Variants in YWHAE observed in about 807,000 individuals in gnomAD.
The protein encoded by YWHAE is tyrosine 3-monooxygenase/tryptophan 5-monooxygenase activation protein epsilon.
A neutral mutation model predicts 30.1 loss-of-function variants in YWHAE; 4 were observed. That is an observed-to-expected ratio of 0.13 (90% CI 0.07 to 0.30). YWHAE has a LOEUF of 0.30. YWHAE is among the 10% of genes least tolerant of loss of function. The probability of loss-of-function intolerance (pLI) is 1.00; values close to 1 mark genes in which losing one functional copy is unlikely to be tolerated. For synonymous variants in YWHAE, 118 were observed against 111.8 expected (o/e 1.06, Z -0.35); for missense variants, 121 against 315.9 (o/e 0.38, Z 4.68).
chr17:1,376,337 AAGACAGACAGAAAGACAAGAAAGAC>A (rs1411868895), intron 1 of YWHAE, among the ~76,000 whole-genome samples: 1 of 152,138 alleles, frequency 6.6e-6, no homozygotes, highest in Non-Finnish European at 1.5e-5. Flanking sequence ...CGAAGACAGA[AAGACAGACAGAAAGACAAGAAAGAC>A]AGACAGACAG....
chr17:1,351,586 G>A (rs2072634230), intron 5 of YWHAE, among the ~76,000 whole-genome samples: 1 of 152,030 alleles, frequency 6.6e-6, no homozygotes, highest in Non-Finnish European at 1.5e-5. Flanking sequence ...TGACCATTAC[G>A]AGTCCACAGC....
intron 4 of YWHAE, among the ~76,000 whole-genome samples, chr17:1,356,255 G>C (rs1015473210): frequency 6.6e-6 from 1 of 151,536 alleles, no homozygotes; most frequent in African/African-American, 2.4e-5. Flanking sequence ...TGTAATCCCA[G>C]CTACTCAGGA....
chr17:1,362,218 A>G lies in YWHAE; in HGVS notation c.265-210T>C, dbSNP rs7219417. On this transcript the variant is annotated intron_variant, in intron 2 of 5. Coordinates refer to ENST00000264335, the MANE Select transcript of YWHAE (RefSeq NM_006761.5). ...ATCTTTTCCCTTCTGCATGCTGCCT[A>G]TTGTTACACACACACATGCAGGCAC... 0.02 allele frequency among the ~76,000 whole-genome samples: 3,057 copies of G among 152,078 alleles called. 104 individuals carry two copies. The highest frequency in any genetic ancestry group is 0.07 in the African/African-American group (2,885 of 41,472).
intron 2 of YWHAE, among the ~76,000 whole-genome samples, chr17:1,363,414 C>T (rs189578083): frequency 6.6e-6 from 1 of 152,124 alleles, no homozygotes; most frequent in African/African-American, 2.4e-5. Context: ...TACAGGTGCC[C>T]GCCACCATGC....
chr17:1,397,140 C>T (rs2073485807), intron 1 of YWHAE, among the ~76,000 whole-genome samples: 1 of 152,168 alleles, frequency 6.6e-6, no homozygotes, highest in Admixed American at 6.6e-5. Context: ...CTCAGGTGAT[C>T]CACCCGCCTC....
chr17:1,353,059 G>A (rs1598226193), intron 5 of YWHAE, among the ~76,000 whole-genome samples: 1 of 152,260 alleles, frequency 6.6e-6, no homozygotes, highest in Non-Finnish European at 1.5e-5. Context: ...TTGGGCTCCT[G>A]TATTTAAAGT....
At chr17:1,379,631 A>G (rs2073175040) in intron 1 of YWHAE, among the ~76,000 whole-genome samples, 1 of 152,206 alleles carries the variant, frequency 6.6e-6, no homozygotes, top group South Asian at 2.1e-4. Context: ...CTTAAATCAT[A>G]TTTTCTTAGA....
intron 1 of YWHAE, among the ~76,000 whole-genome samples, chr17:1,368,939 ATCATTCC>A (rs1286111458): frequency 6.6e-6 from 1 of 152,230 alleles, no homozygotes; most frequent in South Asian, 2.1e-4. Flanking sequence ...TATCTCGAAT[ATCATTCC>A]TTATGATTTA....
chr17:1,379,058 T>G (rs75213844), intron 1 of YWHAE, among the ~76,000 whole-genome samples: 1,523 of 152,268 alleles, frequency 0.01, 23 homozygotes, highest in African/African-American at 0.034. Flanking sequence ...TCTGCCCAAA[T>G]TTGGCAATTT....
At chr17:1,396,912 G>A (rs1490103843) in intron 1 of YWHAE, among the ~76,000 whole-genome samples, 7 of 141,882 alleles carry the variant, frequency 4.9e-5, no homozygotes, top group Admixed American at 2.8e-4. Context: ...ATGAGCCACC[G>A]CACCTGGCCT....
rs768382736 is a variant in YWHAE at position 1,355,110 on chromosome 17, ATT to A, written c.579-765_579-764del. On this transcript the variant is annotated intron_variant, in intron 4 of 5. Coordinates refer to ENST00000264335, the MANE Select transcript of YWHAE (RefSeq NM_006761.5). ...AACGGTACACACTACCACCCCCAAG[ATT>A]TTTTAAAAAAAAAAAAAAAAAAAAA... 3.2e-4 allele frequency among the ~76,000 whole-genome samples: 5 copies of A among 15,388 alleles called. No individual in the cohort carries two copies. In the East Asian group the frequency reaches 3.6e-3, roughly 11 times the overall value. 10.1% of individuals were successfully genotyped at this position (15,388 alleles called of 152,430 possible).
chr17:1,397,308 G>A (rs958668657), intron 1 of YWHAE, among the ~76,000 whole-genome samples: 1 of 152,158 alleles, frequency 6.6e-6, no homozygotes, highest in South Asian at 2.1e-4. Flanking sequence ...AGGTAAAAAC[G>A]ATTCGAATAG....
intron 1 of YWHAE, among the ~76,000 whole-genome samples, chr17:1,377,426 G>A (rs2073142568): frequency 6.6e-6 from 1 of 152,138 alleles, no homozygotes; most frequent in African/African-American, 2.4e-5. Flanking sequence ...GAAGAAAAGG[G>A]CACAGCATCA....
chr17:1,388,558 G>A (rs2073342799), intron 1 of YWHAE, among the ~76,000 whole-genome samples: 1 of 140,028 alleles, frequency 7.1e-6, no homozygotes, highest in Admixed American at 7.7e-5. Context: ...ACAGGCATGA[G>A]CAAACCATGC....
At chr17:1,367,389 G>T (rs1304399849) in intron 1 of YWHAE, among the ~76,000 whole-genome samples, 1 of 152,160 alleles carries the variant, frequency 6.6e-6, no homozygotes, top group Non-Finnish European at 1.5e-5. Flanking sequence ...GATTACTTGA[G>T]CCCAGTAGTT....
At chr17:1,357,881 T>C (rs543657082) in intron 4 of YWHAE, among the ~76,000 whole-genome samples, 246 of 148,904 alleles carry the variant, frequency 1.7e-3, no homozygotes, top group South Asian at 4.5e-3. Context: ...GAGCTGAGAT[T>C]GCACCACTGC....
intron 4 of YWHAE, among the ~76,000 whole-genome samples, chr17:1,356,424 G>C (rs1358812020): frequency 6.6e-6 from 1 of 152,172 alleles, no homozygotes; most frequent in Non-Finnish European, 1.5e-5. Flanking sequence ...CCAGAAGGAG[G>C]AGCAATTAAA....
At chr17:1,367,999 T>C (rs2072970863) in intron 1 of YWHAE, among the ~76,000 whole-genome samples, 1 of 152,120 alleles carries the variant, frequency 6.6e-6, no homozygotes, top group Non-Finnish European at 1.5e-5. Flanking sequence ...ACCTGTCATC[T>C]TAGCACTTTG....
At chr17:1,355,344 A>G (rs1048733969) in intron 4 of YWHAE, among the ~76,000 whole-genome samples, 1 of 150,670 alleles carries the variant, frequency 6.6e-6, no homozygotes, top group East Asian at 2.0e-4. Flanking sequence ...TATTTTTAGC[A>G]GAGGCAGGGT....
Sources: allele counts gnomAD v4.1 joint callset (sites outside exome capture counted in the v4.1 genomes callset), GRCh38; gene constraint gnomAD v4.1.1; transcripts MANE v1.5; gene names NCBI Gene and HGNC (gene_info 2026-07-23, HGNC 2026-07-21).